CADPS2: variants seen among roughly 807,000 people sequenced by gnomAD.
CADPS2 encodes the protein calcium-dependent secretion activator 2.
A neutral mutation model predicts 172.5 loss-of-function variants in CADPS2; 93 were observed. The ratio of observed to expected loss-of-function variants is 0.54; its 90% CI spans 0.46 to 0.64. The LOEUF is 0.64. Among genes scored for constraint, CADPS2 ranks in the 30% least tolerant of loss-of-function variants. The pLI is 0.00. For synonymous variants in CADPS2, 546 were observed against 555.2 expected (o/e 0.98, Z 0.23); for missense variants, 1,420 against 1,565.9 (o/e 0.91, Z 1.57).
At chr7:122,825,030 C>T (rs186568714) in intron 1 of CADPS2, among the ~76,000 whole-genome samples, 1 of 152,216 alleles carries the variant, frequency 6.6e-6, no homozygotes, top group Admixed American at 6.5e-5. Context: ...TAGCCAAAAA[C>T]TAAAAACAAT....
At chr7:122,873,435 C>T (rs1820348359) in intron 1 of CADPS2, among the ~76,000 whole-genome samples, 1 of 152,130 alleles carries the variant, frequency 6.6e-6, no homozygotes, top group Non-Finnish European at 1.5e-5. Context: ...GTTTTCTATT[C>T]CTGTGTTAGT....
intron 2 of CADPS2, among the ~76,000 whole-genome samples, chr7:122,717,911 G>C (rs1279067568): frequency 6.7e-6 from 1 of 149,368 alleles, no homozygotes; most frequent in Non-Finnish European, 1.5e-5. Context: ...CTGAGTTCAA[G>C]TGATCCTCTG....
intron 1 of CADPS2, among the ~76,000 whole-genome samples, chr7:122,837,399 G>A (rs980089577): frequency 1.3e-5 from 2 of 152,102 alleles, no homozygotes; most frequent in African/African-American, 2.4e-5. Context: ...ACATTCAAAA[G>A]CTAGCAGAAG....
intron 7 of CADPS2, among the ~76,000 whole-genome samples, chr7:122,569,506 T>G (rs1033837610): frequency 3.3e-5 from 5 of 149,414 alleles, no homozygotes; most frequent in African/African-American, 7.5e-5. Flanking sequence ...ACCAATGACT[T>G]TCTTCACAGA....
chr7:122,773,541 G>A (rs2093770036), intron 1 of CADPS2, among the ~76,000 whole-genome samples: 2 of 151,944 alleles, frequency 1.3e-5, no homozygotes, highest in South Asian at 2.1e-4. Flanking sequence ...ACAATGAAGA[G>A]GGTGTCTTGG....
intron 2 of CADPS2, chr7:122,681,780 TAAATAA>T (rs2083079214): frequency 3.8e-5 from 19 of 506,204 alleles, no homozygotes; most frequent in East Asian, 2.9e-4. Context: ...TAAAAAAAAA[TAAATAA>T]AAATAAAAAT....
chr7:122,522,729 A>T (rs1356965574), intron 8 of CADPS2, among the ~76,000 whole-genome samples: 1 of 39,344 alleles, frequency 2.5e-5, no homozygotes, highest in Non-Finnish European at 5.0e-5. Flanking sequence ...CCCATCCCCC[A>T]CCCCCAACAC....
At chr7:122,713,439 C>T (rs1207114663) in intron 2 of CADPS2, among the ~76,000 whole-genome samples, 1 of 151,982 alleles carries the variant, frequency 6.6e-6, no homozygotes, top group East Asian at 1.9e-4. Context: ...AGAAACAATG[C>T]ACAGTCTTTA....
intron 2 of CADPS2, chr7:122,698,516 T>A: frequency 6.2e-7 from 1 of 1,614,060 alleles, no homozygotes; most frequent in Admixed American, 1.7e-5. Context: ...TGGTTGCCAG[T>A]ACCTGGAACG....
chr7:122,491,451 G>T, intron 9 of CADPS2, 31 bp from the exon 10 acceptor site: 3 of 1,285,428 alleles, frequency 2.3e-6, no homozygotes, highest in Admixed American at 2.3e-5. Flanking sequence ...TTACAGATTA[G>T]TCACATTAAA....
At chr7:122,390,291 C>T (rs1470322626) in intron 22 of CADPS2, among the ~76,000 whole-genome samples, 2 of 152,030 alleles carry the variant, frequency 1.3e-5, no homozygotes, top group Non-Finnish European at 2.9e-5. Context: ...AAAAACACTA[C>T]CTTTATTTCT....
chr7:122,588,848 ACT>A (rs2133126638), intron 6 of CADPS2, among the ~76,000 whole-genome samples: 1 of 151,990 alleles, frequency 6.6e-6, no homozygotes, highest in East Asian at 1.9e-4. Context: ...CCTCCCCCAA[ACT>A]CATTATGATG....
At chr7:122,640,656 G>A (rs1051430893) in intron 3 of CADPS2, among the ~76,000 whole-genome samples, 2 of 152,126 alleles carry the variant, frequency 1.3e-5, no homozygotes, top group Admixed American at 6.5e-5. Context: ...TGTTGGCTGG[G>A]CGCGGTGGCT....
intron 8 of CADPS2, among the ~76,000 whole-genome samples, chr7:122,524,000 G>A (rs1303511657): frequency 6.6e-6 from 1 of 152,070 alleles, no homozygotes; most frequent in South Asian, 2.1e-4. Flanking sequence ...CAAAGAAAAG[G>A]ACATTTTGCA....
At chr7:122,424,411 C>A (rs2048896245) in intron 17 of CADPS2, 1 of 748,050 alleles carries the variant, frequency 1.3e-6, no homozygotes, top group Non-Finnish European at 1.6e-6. Flanking sequence ...AGAGTATAGA[C>A]CAATGACAGC....
chr7:122,681,250 C>A, intron 2 of CADPS2: 1 of 744,294 alleles, frequency 1.3e-6, no homozygotes, highest in Non-Finnish European at 2.4e-6. Flanking sequence ...GCACAATGTG[C>A]ACATGTACCC....
intron 2 of CADPS2, among the ~76,000 whole-genome samples, chr7:122,725,787 A>G (rs528654933): frequency 3.1e-4 from 47 of 151,722 alleles, no homozygotes; most frequent in Admixed American, 3.1e-3. Context: ...GAGAGACACC[A>G]TGGTCTTGCC....
chr7:122,750,563 C>A (rs578207829), intron 1 of CADPS2, among the ~76,000 whole-genome samples: 67 of 152,054 alleles, frequency 4.4e-4, no homozygotes, highest in Non-Finnish European at 8.8e-4. Flanking sequence ...ATTTCTTAAT[C>A]TTTTCAGTGT....
chr7:122,687,306 C>T (rs545274098), intron 2 of CADPS2, among the ~76,000 whole-genome samples: 19 of 152,172 alleles, frequency 1.2e-4, no homozygotes, highest in Non-Finnish European at 2.6e-4. Flanking sequence ...CTCCAGCTAG[C>T]ACTCCCAATG....
Sources: allele counts gnomAD v4.1 joint callset (sites outside exome capture counted in the v4.1 genomes callset), GRCh38; gene constraint gnomAD v4.1.1; transcripts MANE v1.5; gene names NCBI Gene and HGNC (gene_info 2026-07-23, HGNC 2026-07-21).